Variants in TRERF1 observed in about 807,000 individuals in gnomAD.
TRERF1 encodes the protein transcriptional regulating factor 1.
TRERF1 carries 27 observed loss-of-function variants against 122.9 expected under a neutral mutation model. The ratio of observed to expected loss-of-function variants is 0.22; its 90% confidence interval spans 0.16 to 0.30. The LOEUF (loss-of-function observed/expected upper bound fraction) is 0.30, where lower values mean the gene tolerates loss of function less well. TRERF1 is among the 10% of genes least tolerant of loss of function. TRERF1 has a pLI of 1.00. For missense variants in TRERF1, 1,248 were observed against 1,560.3 expected (o/e 0.80, Z 3.37); for synonymous variants, 636 against 641.7 (o/e 0.99, Z 0.13).
intron 4 of TRERF1, among the ~76,000 whole-genome samples, chr6:42,284,070 T>C (rs1274400354): frequency 6.6e-6 from 1 of 152,206 alleles, no homozygotes; most frequent in Non-Finnish European, 1.5e-5. Context: ...TATTTATCAT[T>C]TGTGCATAAA....
chr6:42,392,268 G>A (rs1777876429), intron 2 of TRERF1, among the ~76,000 whole-genome samples: 1 of 152,184 alleles, frequency 6.6e-6, no homozygotes, highest in Admixed American at 6.5e-5. Context: ...GATCCTGGAT[G>A]TGCCTCAATC....
At chr6:42,361,136 T>C (rs1476362180) in intron 3 of TRERF1, among the ~76,000 whole-genome samples, 2 of 152,180 alleles carry the variant, frequency 1.3e-5, no homozygotes, top group Admixed American at 1.3e-4. Flanking sequence ...TGAACAGGGT[T>C]AGTGCCCTTA....
At chr6:42,341,177 C>T (rs1175952953) in intron 3 of TRERF1, among the ~76,000 whole-genome samples, 2 of 152,208 alleles carry the variant, frequency 1.3e-5, no homozygotes, top group African/African-American at 4.8e-5. Context: ...GTTTGAACCC[C>T]GCTCTGTGTG....
At chr6:42,451,061 G>A (rs1320383162) in intron 2 of TRERF1, 116 bp downstream of exon 2, 1 of 152,020 alleles carries the variant, frequency 6.6e-6, no homozygotes. Flanking sequence ...AGGGGGGGGA[G>A]ACTTCTCCTT....
At chr6:42,435,166 A>G (rs1453442699) in intron 2 of TRERF1, among the ~76,000 whole-genome samples, 3 of 152,126 alleles carry the variant, frequency 2.0e-5, no homozygotes, top group Admixed American at 1.3e-4. Context: ...CAAACAAACA[A>G]ACACACACAA....
At chr6:42,327,257 G>T (rs1182340809) in intron 3 of TRERF1, among the ~76,000 whole-genome samples, 2 of 152,208 alleles carry the variant, frequency 1.3e-5, no homozygotes, top group Non-Finnish European at 2.9e-5. Context: ...CACTGTGCAT[G>T]TCCCAAAGTG....
chr6:42,243,200 G>T, intron 15 of TRERF1, 48 bp downstream of exon 15: 1 of 1,514,514 alleles, frequency 6.6e-7, no homozygotes, highest in South Asian at 1.1e-5. Flanking sequence ...CCTGGGCCTG[G>T]GGTGGGAGCT....
chr6:42,236,422 G>C lies in TRERF1; in HGVS notation c.2860-11C>G, dbSNP rs763243073. On this transcript the variant is annotated splice_polypyrimidine_tract_variant and intron_variant, in intron 15 of 17. Transcript: ENST00000372922. ...TTCTTCTTCACTTGTCTAGTGTTAA[G>C]GTAATAAAAGCAAGAGGGGAAAATC... The C allele has an allele frequency of 3.2e-6, 5 of 1,550,084 alleles. No individual in the cohort carries two copies. In the Admixed American group the frequency reaches 5.9e-5, roughly 18 times the overall value.
chr6:42,230,516 G>T (rs1350682477), intron 17 of TRERF1, among the ~76,000 whole-genome samples: 1 of 152,078 alleles, frequency 6.6e-6, no homozygotes, highest in African/African-American at 2.4e-5. Flanking sequence ...CTCCTCTGGG[G>T]GAAAACTGGC....
chr6:42,258,355 G>A (rs927332449), intron 9 of TRERF1, among the ~76,000 whole-genome samples, 154 bp from the exon 10 acceptor site: 1 of 152,222 alleles, frequency 6.6e-6, no homozygotes, highest in Non-Finnish European at 1.5e-5. Flanking sequence ...GGAGCTGGGT[G>A]GAGTATGGTG....
intron 4 of TRERF1, among the ~76,000 whole-genome samples, chr6:42,277,587 A>G (rs1044253780): frequency 6.6e-6 from 1 of 152,180 alleles, no homozygotes; most frequent in African/African-American, 2.4e-5. Flanking sequence ...GTGGTGGCTC[A>G]TGCCTCTAAT....
At chr6:42,252,628 G>A (rs1278744514) in intron 13 of TRERF1, among the ~76,000 whole-genome samples, 6 of 152,246 alleles carry the variant, frequency 3.9e-5, no homozygotes, top group Non-Finnish European at 8.8e-5. Context: ...TGGGGCCATG[G>A]AGATGGGATT....
chr6:42,380,962 G>C (rs1775812234), intron 2 of TRERF1, among the ~76,000 whole-genome samples: 1 of 152,166 alleles, frequency 6.6e-6, no homozygotes, highest in Non-Finnish European at 1.5e-5. Context: ...ATTTCCATGA[G>C]GATTCTCTTT....
intron 3 of TRERF1, among the ~76,000 whole-genome samples, chr6:42,358,272 TAAAC>T (rs542346638): frequency 5.3e-5 from 8 of 152,244 alleles, no homozygotes; most frequent in Non-Finnish European, 1.2e-4. Flanking sequence ...GGTGGAAAAT[TAAAC>T]TAACAATTCT....
chr6:42,260,192 C>A (rs959040708), intron 8 of TRERF1, among the ~76,000 whole-genome samples: 7 of 151,906 alleles, frequency 4.6e-5, no homozygotes, highest in Non-Finnish European at 8.8e-5. Context: ...GGGGTTCAAG[C>A]CTAGCCAAGG....
At chr6:42,246,507 A>G (rs1411228557) in exon 14 of TRERF1, 1 of 1,605,940 alleles carries the variant, frequency 6.2e-7, no homozygotes, top group Non-Finnish European at 8.5e-7. Context: ...GTGCTTTGTT[A>G]AACAGTTTTC....
At chr6:42,450,676 G>T (rs1187520458) in intron 2 of TRERF1, among the ~76,000 whole-genome samples, 7 of 152,170 alleles carry the variant, frequency 4.6e-5, no homozygotes, top group African/African-American at 1.7e-4. Flanking sequence ...TAAGACCACC[G>T]GCAGTAACTT....
At chr6:42,272,622 T>C (rs1364722320) in intron 4 of TRERF1, among the ~76,000 whole-genome samples, 1 of 152,206 alleles carries the variant, frequency 6.6e-6, no homozygotes, top group Admixed American at 6.5e-5. Flanking sequence ...AGACTCTTGC[T>C]GCATCCAGGT....
intron 2 of TRERF1, among the ~76,000 whole-genome samples, chr6:42,370,017 T>C (rs1581833748): frequency 6.6e-6 from 1 of 152,200 alleles, no homozygotes; most frequent in Non-Finnish European, 1.5e-5. Context: ...ACAGTTTTGC[T>C]ATTCCACACA....
Sources: gnomAD v4.1 joint callset for allele counts (sites outside exome capture counted in the v4.1 genomes callset) on GRCh38, gnomAD v4.1.1 for gene constraint, MANE v1.5 for transcripts, NCBI Gene and HGNC (gene_info 2026-07-23, HGNC 2026-07-21) for gene names.